Variants in SS18L1 observed in about 807,000 individuals in gnomAD.
The protein encoded by SS18L1 is SS18L1 subunit of BAF chromatin remodeling complex, also known as calcium-responsive transactivator.
SS18L1 carries 32 observed loss-of-function variants against 70.3 expected under a neutral mutation model. That is an observed-to-expected ratio of 0.46 (90% CI 0.34 to 0.61). SS18L1 has a LOEUF of 0.61. Ranked by LOEUF, SS18L1 falls within the 20% of genes least tolerant of loss-of-function variation. SS18L1 has a pLI of 0.01. For missense variants in SS18L1, 430 were observed against 542.1 expected, an observed-to-expected ratio of 0.79 and a Z score of 2.05; for synonymous variants, 237 against 229.7, an observed-to-expected ratio of 1.03 and a Z score of -0.29.
intron 1 of SS18L1, among the ~76,000 whole-genome samples, chr20:62,152,820 A>G (rs1407959): frequency 0.81 from 123,400 of 152,164 alleles, 49,990 homozygotes; most frequent in Admixed American, 0.83. Context: ...ACACAGACAC[A>G]TAAGAAACTA....
At chr20:62,164,901 A>T (rs6121932) in intron 7 of SS18L1, among the ~76,000 whole-genome samples, 8,109 of 152,274 alleles carry the variant, frequency 0.053, 686 homozygotes, top group African/African-American at 0.18. Context: ...CTCTAAATAA[A>T]GTAAAAATAA....
chr20:62,159,944 C>T lies in SS18L1; in HGVS notation c.214C>T (p.Gln72Ter), dbSNP rs1193896638. Residue 72 changes from glutamine (Q) to a stop codon, truncating the protein, a stop_gained, in exon 3 of 11, where the codon CAG becomes TAG. Transcript: ENST00000331758. LOFTEE classifies it high-confidence loss of function. This position sits in a 1 kb window ranked among gnomAD's most constrained non-coding sequence, Gnocchi z 4.4. Reference protein sequence around the residue: ...ATIADSNQNMQSLLPAPPTQN... With the variant: ...ATIADSNQNM ...GATCGCAGACTCCAACCAGAACATGCAGTCCCTGCTTCCTGCCGTGAGTAC... is the reference window on the plus strand; with the variant it reads ...GATCGCAGACTCCAACCAGAACATGTAGTCCCTGCTTCCTGCCGTGAGTAC... The T allele has an allele frequency of 6.2e-7, 1 of 1,611,970 alleles. No individual in the cohort carries two copies. The highest frequency in any genetic ancestry group is 8.5e-7 in the Non-Finnish European group (1 of 1,179,702).
At position 62,158,525 on chromosome 20, in the gene SS18L1, C is replaced by T; in HGVS notation, c.70-147C>T. On this transcript the variant is annotated intron_variant, in intron 1 of 10. Coordinates refer to ENST00000331758, the MANE Select transcript of SS18L1 (RefSeq NM_198935.3). This position sits in a 1 kb window ranked among gnomAD's most constrained non-coding sequence, Gnocchi z 4.5. ...AACCGGTGGGTCTAATACAGATATCCCCAAATCTGGAAAAATCTGAAATCT... is the reference window on the plus strand; with the variant it reads ...AACCGGTGGGTCTAATACAGATATCTCCAAATCTGGAAAAATCTGAAATCT... 1 of 1,350,140 alleles carries T rather than the reference C, an allele frequency of 7.4e-7. No individual in the cohort carries two copies. The highest frequency in any genetic ancestry group is 1.0e-6 in the Non-Finnish European group (1 of 1,000,824). The allele number at this position is 1,350,140 out of a possible 1,614,324, so 83.6% of individuals were successfully genotyped here. A position where few individuals can be genotyped will look rare whatever the true frequency, so the allele number is the denominator to read the frequency against.
At chr20:62,168,558 C>T (rs1338530588) in intron 8 of SS18L1, among the ~76,000 whole-genome samples, 1 of 152,090 alleles carries the variant, frequency 6.6e-6, no homozygotes, top group Non-Finnish European at 1.5e-5. Context: ...CAGTGGCTCC[C>T]ACCTGTGATC....
intron 1 of SS18L1, among the ~76,000 whole-genome samples, chr20:62,151,904 C>G (rs2057138648): frequency 6.8e-6 from 1 of 146,108 alleles, no homozygotes; most frequent in Admixed American, 6.7e-5. Context: ...TTCCCGATCC[C>G]CAGAGCTGGC....
intron 1 of SS18L1, among the ~76,000 whole-genome samples, chr20:62,154,969 A>C (rs2057196650): frequency 6.6e-6 from 1 of 152,170 alleles, no homozygotes; most frequent in African/African-American, 2.4e-5. Flanking sequence ...TCTGACTAAC[A>C]GGTTTTCACC....
chr20:62,180,817 C>T lies in SS18L1; in HGVS notation c.*1609C>T, dbSNP rs2057694725. Reference sequence around the variant, plus strand: ...ACCTGAGGCAGGAGAATGGCTTGAACCCAGGAGACAGAGGTTGTGGTGGGG... The same window carrying T: ...ACCTGAGGCAGGAGAATGGCTTGAATCCAGGAGACAGAGGTTGTGGTGGGG... On this transcript the variant is annotated 3_prime_UTR_variant, in exon 11 of 11. Transcript: ENST00000331758. 6.0e-6 allele frequency: 1 copy of T among 165,854 alleles called. No homozygotes were observed. Among genetic ancestry groups the T allele is most frequent in the South Asian group, 2.0e-4 (1 of 4,942 alleles). The allele number at this position is 165,854 out of a possible 1,614,324, so 10.3% of individuals were successfully genotyped here.
rs1380476611 is a variant in SS18L1 at position 62,180,651 on chromosome 20, T to A, written c.*1443T>A. The A allele has an allele frequency of 6.1e-6, 1 of 165,154 alleles. No individual in the cohort carries two copies. The allele number at this position is 165,154 out of a possible 1,614,324, so 10.2% of individuals were successfully genotyped here. A position where few individuals can be genotyped will look rare whatever the true frequency, so the allele number is the denominator to read the frequency against. On this transcript the variant is annotated 3_prime_UTR_variant, in exon 11 of 11. Coordinates refer to ENST00000331758, the MANE Select transcript of SS18L1 (RefSeq NM_198935.3). ...TGGTTCACGCCTGTAATCCCAGCAC[T>A]TTGGGAGGCCGAAGCGGGCGGATCA...
chr20:62,176,107 C>T (rs1297154499), intron 10 of SS18L1, among the ~76,000 whole-genome samples: 2 of 152,232 alleles, frequency 1.3e-5, no homozygotes, highest in Admixed American at 6.5e-5. Context: ...TCTGATGAGA[C>T]GCCATACCTC....
chr20:62,150,926 G>A (rs973904297), intron 1 of SS18L1, among the ~76,000 whole-genome samples: 4 of 152,034 alleles, frequency 2.6e-5, no homozygotes, highest in Non-Finnish European at 5.9e-5. Flanking sequence ...CTGGCCTCTG[G>A]GGAAGAGGAG....
rs183366558 is a variant in SS18L1, at chr20:62,174,682, C to T, written c.1164+38C>T. 155 of 1,612,952 alleles carry T rather than the reference C, an allele frequency of 9.6e-5. 1 individual carries two copies. The East Asian group carries it at 2.5e-3, about 26-fold the overall frequency. On this transcript the variant is annotated intron_variant, in intron 10 of 10. Transcript: ENST00000331758. The surrounding 1 kb of genome is among the most constrained non-coding windows in gnomAD (Gnocchi z 4.1). ...GATGTTTCCAGATGTGCCCATCCGCCGCGCCTGTCGAGACATAATGAAGAT... is the reference window on the plus strand; with the variant it reads ...GATGTTTCCAGATGTGCCCATCCGCTGCGCCTGTCGAGACATAATGAAGAT...
intron 8 of SS18L1, among the ~76,000 whole-genome samples, chr20:62,166,643 G>GCCT (rs1330228206): frequency 2.4e-5 from 3 of 123,828 alleles, no homozygotes; most frequent in African/African-American, 1.2e-4. Flanking sequence ...AGAAGAAAGA[G>GCCT]CCTAGGTGTT....
intron 1 of SS18L1, among the ~76,000 whole-genome samples, chr20:62,146,193 C>T (rs1315871410): frequency 2.0e-5 from 3 of 152,220 alleles, no homozygotes; most frequent in Non-Finnish European, 2.9e-5. Flanking sequence ...CCTTCAAAGC[C>T]TCACTCACGT....
chr20:62,166,793 C>T (rs1157443026), intron 8 of SS18L1, among the ~76,000 whole-genome samples: 1 of 151,186 alleles, frequency 6.6e-6, no homozygotes, highest in Non-Finnish European at 1.5e-5. Flanking sequence ...GACGTGGTGG[C>T]ATGTGCCTGT....
At chr20:62,145,365 C>G (rs979004657) in intron 1 of SS18L1, among the ~76,000 whole-genome samples, 1 of 152,172 alleles carries the variant, frequency 6.6e-6, no homozygotes, top group Non-Finnish European at 1.5e-5. Context: ...AGGTGTCGAT[C>G]CCATACGGTG....
chr20:62,150,633 ATTTTTTTTTTTTTTTTTTTTTTTT>A (rs34708339), intron 1 of SS18L1, among the ~76,000 whole-genome samples: 14 of 58,054 alleles, frequency 2.4e-4, no homozygotes, highest in Middle Eastern at 0.024. Context: ...ATTGAGGTGG[ATTTTTTTTTTTTTTTTTTTTTTTT>A]TTTTTTTTTT....
intron 1 of SS18L1, among the ~76,000 whole-genome samples, chr20:62,146,604 C>CCTTTTTT (rs1339898731): frequency 1.5e-4 from 5 of 34,152 alleles, no homozygotes; most frequent in African/African-American, 3.6e-4. Context: ...CTGCTTTGAT[C>CCTTTTTT]ATTTTTTTTT....
chr20:62,158,655 T>TCA lies in SS18L1; in HGVS notation c.70-15_70-14dup. 1 of 1,611,750 alleles carries TCA rather than the reference T, an allele frequency of 6.2e-7. No homozygotes were observed. The highest frequency in any genetic ancestry group is 8.5e-7 in the Non-Finnish European group (1 of 1,179,902). ...ACAGCCCCGCGTCGGCAGCGCCCGC[T>TCA]CACGCTCTCTCCGCAGATGCTGGAC... On this transcript the variant is annotated splice_polypyrimidine_tract_variant and intron_variant, in intron 1 of 10. Transcript: ENST00000331758. The surrounding 1 kb of genome is among the most constrained non-coding windows in gnomAD (Gnocchi z 4.5).
In SS18L1 at chr20:62,158,684, A is replaced by G; in HGVS notation, c.82A>G (p.Asn28Asp). The change falls in exon 2 of 11, where the codon AAC becomes GAC. Residue 28 changes from asparagine (N) to aspartate (D), a missense_variant. Physicochemically the swap from Asn to Asp is conservative, Grantham distance 23. Coordinates refer to ENST00000331758, the MANE Select transcript of SS18L1 (RefSeq NM_198935.3). The surrounding 1 kb of genome is among the most constrained non-coding windows in gnomAD (Gnocchi z 4.5). The part of the protein sequence containing the change: ...QQTIQKMLDE[N>D]HHLIQCILEY... The stretch of plus-strand genomic sequence containing the variant: ...GCTCTCTCCGCAGATGCTGGACGAG[A>G]ACCACCACCTGATCCAGTGCATCCT... 6.2e-7 allele frequency: 1 copy of G among 1,612,640 alleles called. No individual in the cohort carries two copies. The highest frequency in any genetic ancestry group is 8.5e-7 in the Non-Finnish European group (1 of 1,180,004).
Sources: gnomAD v4.1 joint callset for allele counts (sites outside exome capture counted in the v4.1 genomes callset) on GRCh38, gnomAD v4.1.1 for gene constraint, Gnocchi (gnomAD v3.1) non-coding constraint, MANE v1.5 for transcripts, NCBI Gene and HGNC (gene_info 2026-07-23, HGNC 2026-07-21) for gene names.